ROBO2: variants seen among roughly 807,000 people sequenced by gnomAD.
The protein encoded by ROBO2 is roundabout homolog 2.
In ROBO2, 53 loss-of-function variants were observed where a neutral mutation model predicts 160.8. That is an observed-to-expected ratio of 0.33 (90% CI 0.26 to 0.41). The LOEUF (loss-of-function observed/expected upper bound fraction) is 0.41. Among genes scored for constraint, ROBO2 ranks in the 10% least tolerant of loss-of-function variants. The pLI is 1.00. For synonymous variants in ROBO2, 664 were observed against 611.7 expected, an observed-to-expected ratio of 1.09 and a Z score of -1.26; for missense variants, 1,577 against 1,722.4, an observed-to-expected ratio of 0.92 and a Z score of 1.49.
intron 2 of ROBO2, among the ~76,000 whole-genome samples, chr3:76,241,394 A>C (rs748740456): frequency 6.6e-6 from 1 of 152,240 alleles, no homozygotes; most frequent in African/African-American, 2.4e-5. Context: ...CTTACTGGTC[A>C]TTTGCTATGT....
intron 2 of ROBO2, among the ~76,000 whole-genome samples, chr3:76,408,761 C>T (rs2108814930): frequency 6.6e-6 from 1 of 152,020 alleles, no homozygotes; most frequent in East Asian, 1.9e-4. Context: ...AATACTCATC[C>T]TCTATCTTTA....
intron 2 of ROBO2, among the ~76,000 whole-genome samples, chr3:77,435,912 A>G (rs1449779931): frequency 1.3e-5 from 2 of 151,268 alleles, no homozygotes; most frequent in East Asian, 4.0e-4. Flanking sequence ...TTTTATGATG[A>G]CAATGCCATA....
At chr3:77,511,822 C>T (rs2089433667) in intron 5 of ROBO2, among the ~76,000 whole-genome samples, 2 of 151,924 alleles carry the variant, frequency 1.3e-5, no homozygotes, top group Admixed American at 1.3e-4. Flanking sequence ...GAATGATAAC[C>T]TTGCTTCTTA....
At chr3:76,621,573 CA>C (rs2089084284) in intron 2 of ROBO2, among the ~76,000 whole-genome samples, 1 of 152,096 alleles carries the variant, frequency 6.6e-6, no homozygotes, top group Non-Finnish European at 1.5e-5. Context: ...AAAACTTGGA[CA>C]AATTCTTAAC....
At chr3:77,325,966 G>C (rs746954820) in intron 2 of ROBO2, among the ~76,000 whole-genome samples, 4 of 152,118 alleles carry the variant, frequency 2.6e-5, no homozygotes, top group Non-Finnish European at 5.9e-5. Context: ...GAAGATCCTA[G>C]ATTCATAGAA....
At chr3:77,281,502 G>A (rs7427708) in intron 2 of ROBO2, among the ~76,000 whole-genome samples, 96,098 of 134,352 alleles carry the variant, frequency 0.72, 30,838 homozygotes, top group Non-Finnish European at 0.76. Context: ...AAGAAGAAAT[G>A]TAAGAAAAAA....
rs79346926 is a variant in ROBO2 at position 76,676,712 on chromosome 3, G to A, written c.110-421302G>A. ...TTCTGCTAGGCATGTATATTTCTCC[G>A]AGGAAATACACATGGAAACATGCAT... On this transcript the variant is annotated intron_variant, in intron 2 of 26. Coordinates refer to the ROBO2 transcript ENST00000487694. Among the ~76,000 whole-genome samples, 553 of 152,164 alleles carry A rather than the reference G, an allele frequency of 3.6e-3. 2 individuals are homozygous for A. Among genetic ancestry groups the A allele is most frequent in the African/African-American group, 0.012 (508 of 41,530 alleles).
At chr3:76,422,949 T>C (rs1301611395) in intron 2 of ROBO2, among the ~76,000 whole-genome samples, 2 of 151,924 alleles carry the variant, frequency 1.3e-5, no homozygotes, top group Admixed American at 6.6e-5. Context: ...AGATGCATGA[T>C]GAAAAGGGGA....
chr3:77,288,656 C>G (rs1179086568), intron 2 of ROBO2, among the ~76,000 whole-genome samples: 1 of 151,932 alleles, frequency 6.6e-6, no homozygotes, highest in East Asian at 1.9e-4. Flanking sequence ...CAAAACACAC[C>G]CAAACAAAAA....
intron 2 of ROBO2, among the ~76,000 whole-genome samples, chr3:76,948,906 ATATTTTTTT>A (rs1164031647): frequency 7.0e-3 from 146 of 20,822 alleles, no homozygotes; most frequent in Middle Eastern, 0.036. Flanking sequence ...ATATATATAT[ATATTTTTTT>A]TTTTTTTTTT....
intron 2 of ROBO2, among the ~76,000 whole-genome samples, chr3:76,563,185 T>G (rs2084305641): frequency 6.6e-6 from 1 of 152,194 alleles, no homozygotes; most frequent in African/African-American, 2.4e-5. Flanking sequence ...ACAAACTGTC[T>G]TAATTTCTCT....
intron 2 of ROBO2, among the ~76,000 whole-genome samples, chr3:76,285,086 T>C (rs138841521): frequency 0.011 from 1,608 of 152,252 alleles, 20 homozygotes; most frequent in African/African-American, 0.034. Flanking sequence ...TAATGAGAAA[T>C]TATTTTGACT....
At chr3:76,046,493 C>A (rs1209139456) in intron 2 of ROBO2, among the ~76,000 whole-genome samples, 1 of 151,468 alleles carries the variant, frequency 6.6e-6, no homozygotes, top group Non-Finnish European at 1.5e-5. Context: ...ACTAAAAATA[C>A]AAAAAATTAG....
intron 2 of ROBO2, among the ~76,000 whole-genome samples, chr3:77,358,657 A>G (rs1301272106): frequency 6.6e-6 from 1 of 152,220 alleles, no homozygotes; most frequent in Non-Finnish European, 1.5e-5. Context: ...TACGCAGGCC[A>G]TGTTTTATTT....
intron 2 of ROBO2, among the ~76,000 whole-genome samples, chr3:76,570,005 C>A (rs1002222541): frequency 6.6e-6 from 1 of 152,074 alleles, no homozygotes; most frequent in Non-Finnish European, 1.5e-5. Flanking sequence ...CATAGTGGGG[C>A]ATGCCTGTAG....
chr3:76,430,319 A>G (rs2076386205), intron 2 of ROBO2, among the ~76,000 whole-genome samples: 1 of 152,122 alleles, frequency 6.6e-6, no homozygotes. Context: ...ATAAAAAATA[A>G]TTTGGTCCTT....
At chr3:77,110,578 C>A (rs2073438472) in intron 2 of ROBO2, among the ~76,000 whole-genome samples, 1 of 150,822 alleles carries the variant, frequency 6.6e-6, no homozygotes, top group Non-Finnish European at 1.5e-5. Context: ...TTAAACCTTA[C>A]AAATTATGCA....
In ROBO2 at chr3:77,040,620, C is replaced by T. The variant is rs886058875; in HGVS notation, c.-166C>T. The T allele has an allele frequency of 9.4e-6, 14 of 1,485,434 alleles. No homozygotes were observed. The highest frequency in any genetic ancestry group is 1.2e-5 in the Non-Finnish European group (14 of 1,126,504). 92.0% of individuals were successfully genotyped at this position (1,485,434 alleles called of 1,614,324 possible). On this transcript the variant is annotated 5_prime_UTR_variant, in exon 1 of 26. Coordinates refer to ENST00000461745, the Ensembl canonical transcript of ROBO2. The stretch of plus-strand genomic sequence containing the variant: ...GATCTCAGTGTGCCCCGTTCGAGAC[C>T]TCTCCACCAACCCCTTCTGATCTTG...
intron 2 of ROBO2, among the ~76,000 whole-genome samples, chr3:76,536,726 T>C (rs2108151909): frequency 6.6e-6 from 1 of 152,242 alleles, no homozygotes; most frequent in South Asian, 2.1e-4. Context: ...TCTTTCCCGC[T>C]CATCTGGGGA....
Sources: allele counts gnomAD v4.1 joint callset (sites outside exome capture counted in the v4.1 genomes callset), GRCh38; gene constraint gnomAD v4.1.1; transcripts MANE v1.5; gene names NCBI Gene and HGNC (gene_info 2026-07-23, HGNC 2026-07-21).